RIC1: variants seen among roughly 807,000 people sequenced by gnomAD.
RIC1 encodes guanine nucleotide exchange factor subunit RIC1.
Under a neutral mutation model 169.0 loss-of-function variants are expected in RIC1, and 88 were observed. The ratio of observed to expected loss-of-function variants is 0.52; its 90% CI spans 0.44 to 0.62. RIC1 has a LOEUF of 0.62. Among genes scored for constraint, RIC1 ranks in the 20% least tolerant of loss-of-function variants. The pLI is 0.00. For synonymous variants in RIC1, 790 were observed against 601.5 expected, an observed-to-expected ratio of 1.31 and a Z score of -4.59; for missense variants, 1,877 against 1,725.5, an observed-to-expected ratio of 1.09 and a Z score of -1.56.
Position 5,756,201 on chromosome 9 carries a change from G to T in RIC1, c.1693-11G>T, listed in dbSNP as rs151251271. On this transcript the variant is annotated splice_polypyrimidine_tract_variant and intron_variant, in intron 15 of 25. Transcript: ENST00000414202. ...TGTTTTTATAATTTTCTTCATTTTTGTTTTCTTCAGCTTAGAGTATACTTG... is the reference window on the plus strand; with the variant it reads ...TGTTTTTATAATTTTCTTCATTTTTTTTTTCTTCAGCTTAGAGTATACTTG... 8 of 1,473,506 alleles carry T rather than the reference G, an allele frequency of 5.4e-6. No individual in the cohort carries two copies. Among genetic ancestry groups the T allele is most frequent in the East Asian group, 2.5e-5 (1 of 40,226 alleles). The allele number at this position is 1,473,506 out of a possible 1,614,324, so 91.3% of individuals were successfully genotyped here. A position where few individuals can be genotyped will look rare whatever the true frequency, so the allele number is the denominator to read the frequency against.
intron 7 of RIC1, among the ~76,000 whole-genome samples, chr9:5,737,235 A>G (rs1385546532): frequency 6.6e-6 from 1 of 152,202 alleles, no homozygotes; most frequent in Non-Finnish European, 1.5e-5. Flanking sequence ...AATGTGGCTT[A>G]GACGTATTAT....
At chr9:5,654,675 G>C (rs1041128175) in intron 1 of RIC1, among the ~76,000 whole-genome samples, 1 of 151,950 alleles carries the variant, frequency 6.6e-6, no homozygotes, top group African/African-American at 2.4e-5. Context: ...GAGTAGCTGG[G>C]ATTAATTTTT....
chr9:5,678,455 G>A lies in RIC1; in HGVS notation c.253-11504G>A, dbSNP rs996015997. ...TCCACAATGGTTGAACTAGTTTACAGTCCCACCAACAGTGTAAAACTGTTC... is the reference window on the plus strand; with the variant it reads ...TCCACAATGGTTGAACTAGTTTACAATCCCACCAACAGTGTAAAACTGTTC... On this transcript the variant is annotated intron_variant, in intron 2 of 25. Coordinates refer to ENST00000414202, the MANE Select transcript of RIC1 (RefSeq NM_020829.4). Among the ~76,000 whole-genome samples the A allele has an allele frequency of 3.5e-4, 53 of 151,908 alleles. No individual in the cohort carries two copies. The South Asian group carries it at 6.0e-3, about 17-fold the overall frequency.
chr9:5,693,406 A>T (rs879490822), intron 3 of RIC1, among the ~76,000 whole-genome samples: 2 of 152,108 alleles, frequency 1.3e-5, no homozygotes, highest in Non-Finnish European at 2.9e-5. Context: ...TGTTTCTAGC[A>T]TCCTTCTATA....
chr9:5,750,544 C>T (rs1289654218), intron 12 of RIC1, among the ~76,000 whole-genome samples: 5 of 151,922 alleles, frequency 3.3e-5, no homozygotes, highest in Non-Finnish European at 7.3e-5. Context: ...ATGGCTCCCA[C>T]AGTCTCACTA....
In RIC1 at chr9:5,746,139, CCTT is replaced by C. The variant is rs566203898; in HGVS notation, c.1248+60_1248+62del. The C allele has an allele frequency of 1.3e-4, 191 of 1,417,350 alleles. 2 individuals carry two copies. The South Asian group carries it at 2.4e-3, about 18-fold the overall frequency. The allele number at this position is 1,417,350 out of a possible 1,614,324, so 87.8% of individuals were successfully genotyped here. ...TGTCTTTTGTGTTAGAAGCTCAGAC[CCTT>C]CTTTATGACATATGTATGGCGTATA... On this transcript the variant is annotated intron_variant, in intron 11 of 25. Coordinates refer to ENST00000414202, the MANE Select transcript of RIC1 (RefSeq NM_020829.4).
intron 2 of RIC1, among the ~76,000 whole-genome samples, chr9:5,683,106 C>T (rs574921095): frequency 2.6e-4 from 39 of 150,058 alleles, no homozygotes; most frequent in African/African-American, 9.0e-4. Flanking sequence ...GCCATTGGTT[C>T]GCACAGAGTA....
At chr9:5,694,141 G>C (rs1269305940) in intron 3 of RIC1, among the ~76,000 whole-genome samples, 1 of 152,118 alleles carries the variant, frequency 6.6e-6, no homozygotes, top group East Asian at 1.9e-4. Flanking sequence ...AGCTACCTGA[G>C]GTTAGCAATT....
chr9:5,716,130 C>G lies in RIC1; in HGVS notation c.440+2127C>G, dbSNP rs79730032. On this transcript the variant is annotated intron_variant, in intron 4 of 25. Coordinates refer to ENST00000414202, the MANE Select transcript of RIC1 (RefSeq NM_020829.4). ...AAGTGCTGGGATTGCAGGTGTTGAGCCACCACACCCAGCCAAGATCCTAAA... is the reference window on the plus strand; with the variant it reads ...AAGTGCTGGGATTGCAGGTGTTGAGGCACCACACCCAGCCAAGATCCTAAA... Among the ~76,000 whole-genome samples, 49 of 151,940 alleles carry G rather than the reference C, an allele frequency of 3.2e-4. No homozygotes were observed. In the East Asian group the frequency reaches 9.3e-3, roughly 29 times the overall value.
intron 2 of RIC1, among the ~76,000 whole-genome samples, chr9:5,680,165 C>A (rs1006392957): frequency 6.6e-6 from 1 of 152,158 alleles, no homozygotes; most frequent in Non-Finnish European, 1.5e-5. Flanking sequence ...GTATGTTGAA[C>A]CAGCCTTGCA....
intron 1 of RIC1, among the ~76,000 whole-genome samples, chr9:5,638,692 T>G (rs1019513640): frequency 6.6e-6 from 1 of 152,208 alleles, no homozygotes; most frequent in Non-Finnish European, 1.5e-5. Context: ...ATCTCCTTTC[T>G]TATCTCTGAT....
Position 5,775,258 on chromosome 9 carries a change from G to A in RIC1, c.*1012G>A, listed in dbSNP as rs768735352. 6.6e-6 allele frequency: 1 copy of A among 152,148 alleles called. No individual in the cohort carries two copies. Among genetic ancestry groups the A allele is most frequent in the Non-Finnish European group, 1.5e-5 (1 of 68,028 alleles). 9.4% of individuals were successfully genotyped at this position (152,148 alleles called of 1,614,324 possible). ...CTATGTAAATAGACTGCTGAATCCT[G>A]TATTACCACGGCTACTAAAAATTAG... is the stretch of plus-strand genomic sequence containing the variant. On this transcript the variant is annotated 3_prime_UTR_variant, in exon 26 of 26. Coordinates refer to ENST00000414202, the MANE Select transcript of RIC1 (RefSeq NM_020829.4).
chr9:5,702,648 C>T (rs923476852), intron 3 of RIC1, among the ~76,000 whole-genome samples: 1 of 152,150 alleles, frequency 6.6e-6, no homozygotes, highest in Non-Finnish European at 1.5e-5. Context: ...AAGCAATTCT[C>T]CTGCTTCAGC....
At chr9:5,777,151 A>G (rs1827633238), downstream of RIC1, among the ~76,000 whole-genome samples, 1 of 152,070 alleles carries the variant, frequency 6.6e-6, no homozygotes, top group Non-Finnish European at 1.5e-5. Context: ...CCATTTGTCT[A>G]TTTTTGAAGA....
Position 5,676,463 on chromosome 9 carries a change from A to G in RIC1, c.253-13496A>G, listed in dbSNP as rs544299316. 7.6e-4 allele frequency among the ~76,000 whole-genome samples: 116 copies of G among 152,312 alleles called. 2 individuals carry two copies. Among genetic ancestry groups the G allele is most frequent in the Admixed American group, 2.6e-4 (4 of 15,294 alleles). On this transcript the variant is annotated intron_variant, in intron 2 of 25. Transcript: ENST00000414202. ...TAAAATTAATTTGTTATTCATAACA[A>G]TCCTCTCAAGGTAGATACTTTTATA...
At chr9:5,726,462 A>G (rs987349197) in intron 6 of RIC1, among the ~76,000 whole-genome samples, 2 of 152,088 alleles carry the variant, frequency 1.3e-5, no homozygotes, top group African/African-American at 2.4e-5. Flanking sequence ...CACGTAAGGT[A>G]GGTCTCCAGA....
chr9:5,689,952 C>A lies in RIC1; in HGVS notation c.253-7C>A. On this transcript the variant is annotated splice_region_variant and splice_polypyrimidine_tract_variant and intron_variant, in intron 2 of 25. Coordinates refer to ENST00000414202, the MANE Select transcript of RIC1 (RefSeq NM_020829.4). Reference sequence around the variant, plus strand: ...TTAATTCATGATTAATAAAATTTCTCTTTCAGACGGCAAATGGATACATCT... The same window carrying A: ...TTAATTCATGATTAATAAAATTTCTATTTCAGACGGCAAATGGATACATCT... The A allele has an allele frequency of 1.3e-6, 2 of 1,571,322 alleles. No homozygotes were observed. Among genetic ancestry groups the A allele is most frequent in the Non-Finnish European group, 1.7e-6 (2 of 1,151,716 alleles).
intron 14 of RIC1, among the ~76,000 whole-genome samples, chr9:5,754,155 C>T (rs1825870271): frequency 6.6e-6 from 1 of 152,126 alleles, no homozygotes; most frequent in Admixed American, 6.5e-5. Context: ...CTCATCTGCA[C>T]AGCAACCCAG....
chr9:5,660,863 C>T (rs147427927), intron 2 of RIC1, among the ~76,000 whole-genome samples: 80 of 152,274 alleles, frequency 5.3e-4, no homozygotes, highest in Non-Finnish European at 1.0e-3. Flanking sequence ...CGATTAGATC[C>T]CATTTGTCAA....
Sources: gnomAD v4.1 joint callset for allele counts (sites outside exome capture counted in the v4.1 genomes callset) on GRCh38, gnomAD v4.1.1 for gene constraint, MANE v1.5 for transcripts, NCBI Gene and HGNC (gene_info 2026-07-23, HGNC 2026-07-21) for gene names.